The following SHOC2 variants were observed in gnomAD, a reference collection of about 807,000 sequenced individuals.
SHOC2 encodes the protein SHOC2 leucine rich repeat scaffold protein.
A neutral mutation model predicts 50.2 loss-of-function variants in SHOC2; 4 were observed. The observed-to-expected ratio is 0.08, with a 90% CI of 0.04 to 0.18. SHOC2 has a LOEUF of 0.18. SHOC2 is among the 10% of genes least tolerant of loss of function. The pLI is 1.00. For synonymous variants in SHOC2, 218 were observed against 244.5 expected, an observed-to-expected ratio of 0.89 and a Z score of 1.01; for missense variants, 388 against 669.6, an observed-to-expected ratio of 0.58 and a Z score of 4.64.
At chr10:110,968,322 G>A (rs1847716859) in intron 2 of SHOC2, among the ~76,000 whole-genome samples, 1 of 152,044 alleles carries the variant, frequency 6.6e-6, no homozygotes, top group Non-Finnish European at 1.5e-5. Flanking sequence ...TAATTTAAAA[G>A]AAGTTCTGAG....
At chr10:110,937,367 A>G in intron 1 of SHOC2, 1 of 599,584 alleles carries the variant, frequency 1.7e-6, no homozygotes, top group South Asian at 1.9e-5. Flanking sequence ...TGCTTTTCTG[A>G]CTGTCATGTA....
chr10:110,944,328 C>T (rs1238866736), intron 1 of SHOC2, among the ~76,000 whole-genome samples: 4 of 146,378 alleles, frequency 2.7e-5, no homozygotes, highest in Admixed American at 2.1e-4. Context: ...TCCTTCTGCC[C>T]ACAGTGGAAA....
At chr10:110,939,734 G>A (rs1847099575) in intron 1 of SHOC2, among the ~76,000 whole-genome samples, 1 of 152,156 alleles carries the variant, frequency 6.6e-6, no homozygotes, top group South Asian at 2.1e-4. Flanking sequence ...AAGAGAAAAA[G>A]TAGTTTTAAA....
chr10:110,997,539 C>CCA (rs1848291393), intron 3 of SHOC2, among the ~76,000 whole-genome samples: 1 of 152,016 alleles, frequency 6.6e-6, no homozygotes, highest in Non-Finnish European at 1.5e-5. Flanking sequence ...TTTTTCCCCC[C>CCA]CAACTTAACA....
intron 1 of SHOC2, among the ~76,000 whole-genome samples, chr10:110,960,552 C>T (rs1847551708): frequency 6.6e-6 from 1 of 152,178 alleles, no homozygotes; most frequent in Non-Finnish European, 1.5e-5. Context: ...GTTTTCTCAT[C>T]TGTAAATTGG....
At chr10:110,945,717 C>T (rs1847234065) in intron 1 of SHOC2, among the ~76,000 whole-genome samples, 1 of 152,166 alleles carries the variant, frequency 6.6e-6, no homozygotes, top group Admixed American at 6.5e-5. Context: ...CCATGCTAGG[C>T]TTACCCTGTG....
At chr10:110,957,534 C>CA (rs1375470765) in intron 1 of SHOC2, among the ~76,000 whole-genome samples, 1 of 137,868 alleles carries the variant, frequency 7.3e-6, no homozygotes, top group African/African-American at 2.7e-5. Flanking sequence ...ATGAAGATAC[C>CA]CCCCCCCCAG....
intron 4 of SHOC2, 117 bp from the exon 5 acceptor site, chr10:111,004,489 C>T: frequency 2.7e-6 from 2 of 730,724 alleles, no homozygotes; most frequent in Non-Finnish European, 4.8e-6. Flanking sequence ...CCCAACCAGT[C>T]TCTGTCATTT....
At chr10:110,958,792 C>G (rs940037096) in intron 1 of SHOC2, among the ~76,000 whole-genome samples, 1 of 151,922 alleles carries the variant, frequency 6.6e-6, no homozygotes, top group African/African-American at 2.4e-5. Context: ...GCCGGCTACT[C>G]AGACATTACC....
At chr10:110,939,780 A>T (rs1471300083) in intron 1 of SHOC2, among the ~76,000 whole-genome samples, 1 of 152,200 alleles carries the variant, frequency 6.6e-6, no homozygotes, top group Admixed American at 6.5e-5. Flanking sequence ...ACTACTAAGG[A>T]ATAATCAGTG....
chr10:110,992,971 TTAAAC>T (rs1289836914), intron 3 of SHOC2, among the ~76,000 whole-genome samples: 1 of 152,208 alleles, frequency 6.6e-6, no homozygotes, highest in Non-Finnish European at 1.5e-5. Context: ...TTATACTAAA[TTAAAC>T]TAAAGTTGCT....
chr10:110,952,860 G>C (rs964454451), intron 1 of SHOC2, among the ~76,000 whole-genome samples: 6 of 152,124 alleles, frequency 3.9e-5, no homozygotes, highest in Admixed American at 2.0e-4. Context: ...ATGGCTTCCA[G>C]CTTCATCCAT....
rs1848604490 is a variant in SHOC2 at position 111,013,372 on chromosome 10, G to C, written c.*1554G>C. On this transcript the variant is annotated 3_prime_UTR_variant, in exon 9 of 9. Transcript: ENST00000369452. ...AAAACCATTTTTGAATTAAGGCTAT[G>C]ATATTAAGATAGAAATTTGGACTGT... 1 of 150,996 alleles carries C rather than the reference G, an allele frequency of 6.6e-6. No individual in the cohort carries two copies. The highest frequency in any genetic ancestry group is 1.5e-5 in the Non-Finnish European group (1 of 67,820). The allele number at this position is 150,996 out of a possible 1,614,324, so 9.4% of individuals were successfully genotyped here. A position where few individuals can be genotyped will look rare whatever the true frequency, so the allele number is the denominator to read the frequency against.
intron 1 of SHOC2, among the ~76,000 whole-genome samples, chr10:110,948,043 C>T (rs1005093919): frequency 2.6e-5 from 4 of 151,966 alleles, no homozygotes; most frequent in Admixed American, 6.6e-5. Context: ...AGATATTTCA[C>T]GCAAATGGTA....
chr10:110,925,240 A>G (rs1383345325), intron 1 of SHOC2, among the ~76,000 whole-genome samples: 1 of 151,996 alleles, frequency 6.6e-6, no homozygotes, highest in Non-Finnish European at 1.5e-5. Context: ...TACACTTTAA[A>G]AAACACTTTC....
chr10:110,955,234 T>G (rs1170147462), intron 1 of SHOC2, among the ~76,000 whole-genome samples: 1 of 152,156 alleles, frequency 6.6e-6, no homozygotes, highest in Non-Finnish European at 1.5e-5. Context: ...CGATGAGAGC[T>G]TGGAGTACGG....
intron 2 of SHOC2, among the ~76,000 whole-genome samples, chr10:110,975,011 A>G (rs1164460322): frequency 6.6e-6 from 1 of 152,196 alleles, no homozygotes; most frequent in Non-Finnish European, 1.5e-5. Flanking sequence ...GCTTCTTGAT[A>G]TTAATTAACA....
At chr10:110,985,568 G>A (rs1287128557) in intron 2 of SHOC2, 60 bp from the exon 3 acceptor site, 7 of 1,237,948 alleles carry the variant, frequency 5.7e-6, no homozygotes, top group Non-Finnish European at 8.3e-6. Context: ...TTGCTTAGAA[G>A]TATTATCTAG....
rs896472847 is a variant in SHOC2, at chr10:111,011,974, AT to A, written c.*164del. On this transcript the variant is annotated 3_prime_UTR_variant, in exon 9 of 9. Coordinates refer to ENST00000369452, the MANE Select transcript of SHOC2 (RefSeq NM_007373.4). The stretch of plus-strand genomic sequence containing the variant: ...AATAGAGGAATCATAGCCATTTAGA[AT>A]TTTTTTTAAATTCTGTACAAAAGGC... The A allele has an allele frequency of 6.0e-6, 4 of 663,766 alleles. No individual in the cohort carries two copies. Among genetic ancestry groups the A allele is most frequent in the Non-Finnish European group, 7.7e-6 (3 of 391,004 alleles). 41.1% of individuals were successfully genotyped at this position (663,766 alleles called of 1,614,324 possible).
Sources: allele counts gnomAD v4.1 joint callset (sites outside exome capture counted in the v4.1 genomes callset), GRCh38; gene constraint gnomAD v4.1.1; transcripts MANE v1.5; gene names NCBI Gene and HGNC (gene_info 2026-07-23, HGNC 2026-07-21).